Variants in ZC3H12B observed in about 807,000 individuals in gnomAD.
ZC3H12B encodes probable ribonuclease ZC3H12B.
Under a neutral mutation model 43.9 loss-of-function variants are expected in ZC3H12B, and 7 were observed. That is an observed-to-expected ratio of 0.16 (90% CI 0.09 to 0.30). The LOEUF (loss-of-function observed/expected upper bound fraction) is 0.30, where lower values mean the gene tolerates loss of function less well. ZC3H12B is among the 10% of genes least tolerant of loss of function. The probability of loss-of-function intolerance (pLI) is 1.00; values close to 1 mark genes in which losing one functional copy is unlikely to be tolerated. For synonymous variants in ZC3H12B, 222 were observed against 241.7 expected (o/e 0.92, Z 0.76); for missense variants, 475 against 670.2 (o/e 0.71, Z 3.22).
At chrX:65,466,634 A>G (rs2067821043) in intron 3 of ZC3H12B, among the ~76,000 whole-genome samples, 1 of 107,333 alleles carries the variant, frequency 9.3e-6, no homozygotes. Context: ...TAATTTTGAA[A>G]TGAATCTCCA....
the ZC3H12B span, among the ~76,000 whole-genome samples, chrX:65,129,375 G>A: frequency 3.7e-5 from 4 of 109,309 alleles, no homozygotes; most frequent in Non-Finnish European, 7.6e-5. Flanking sequence ...TCACCTGGGT[G>A]CAGGTGGGCT....
the ZC3H12B span, among the ~76,000 whole-genome samples, chrX:65,277,766 A>G: frequency 2.7e-5 from 3 of 111,870 alleles, no homozygotes; most frequent in African/African-American, 9.7e-5. Context: ...AAAACTGGAA[A>G]GATTACAAAT....
the ZC3H12B span, among the ~76,000 whole-genome samples, chrX:65,338,439 G>A: frequency 8.9e-6 from 1 of 112,042 alleles, no homozygotes; most frequent in East Asian, 2.8e-4. Context: ...GACATACAAA[G>A]AAGAGTTGGT....
At chrX:65,135,358 T>C in the ZC3H12B span, among the ~76,000 whole-genome samples, 1 of 110,909 alleles carries the variant, frequency 9.0e-6, no homozygotes, top group South Asian at 3.7e-4. Flanking sequence ...TTGTTGTTTT[T>C]TTTTTCCTGA....
At chrX:65,036,439 T>C in the ZC3H12B span, among the ~76,000 whole-genome samples, 3 of 111,533 alleles carry the variant, frequency 2.7e-5, no homozygotes. Context: ...TTGTAAATGC[T>C]TTTGAGCTAA....
the ZC3H12B span, among the ~76,000 whole-genome samples, chrX:65,211,918 A>G: frequency 2.8e-4 from 21 of 74,021 alleles, no homozygotes; most frequent in Non-Finnish European, 4.6e-4. Flanking sequence ...TATGTATACT[A>G]TATAATATAT....
the ZC3H12B span, among the ~76,000 whole-genome samples, chrX:65,224,327 G>T: frequency 5.2e-4 from 59 of 112,664 alleles, no homozygotes; most frequent in Non-Finnish European, 9.6e-4. Context: ...AAAAAACTAT[G>T]AGTTGGGTAC....
At chrX:65,452,614 G>T (rs1357673862) in intron 3 of ZC3H12B, among the ~76,000 whole-genome samples, 1 of 111,755 alleles carries the variant, frequency 8.9e-6, no homozygotes, top group Non-Finnish European at 1.9e-5. Flanking sequence ...GCCGAGGTGG[G>T]TGGATCAACT....
the ZC3H12B span, among the ~76,000 whole-genome samples, chrX:65,270,280 G>A: frequency 9.0e-6 from 1 of 111,721 alleles, no homozygotes; most frequent in Non-Finnish European, 1.9e-5. Context: ...GACACAATGA[G>A]GAAAGGAGAG....
the ZC3H12B span, among the ~76,000 whole-genome samples, chrX:65,047,937 A>G: frequency 9.0e-6 from 1 of 111,014 alleles, no homozygotes; most frequent in Admixed American, 9.6e-5. Flanking sequence ...GTAAGAAATA[A>G]CATGGTATCT....
the ZC3H12B span, among the ~76,000 whole-genome samples, chrX:65,231,326 G>T: frequency 9.0e-6 from 1 of 110,776 alleles, no homozygotes; most frequent in Non-Finnish European, 1.9e-5. Flanking sequence ...TACTGATGAG[G>T]GTCCATGTCT....
chrX:65,195,245 C>A, the ZC3H12B span, among the ~76,000 whole-genome samples: 9 of 111,019 alleles, frequency 8.1e-5, no homozygotes, highest in Non-Finnish European at 1.7e-4. Context: ...TCTTTTCTTT[C>A]TTCCTACCTG....
chrX:65,204,605 G>T, the ZC3H12B span, among the ~76,000 whole-genome samples: 1 of 111,333 alleles, frequency 9.0e-6, no homozygotes, highest in African/African-American at 3.3e-5. Context: ...TCCCTGGCTT[G>T]TAAACAAAGT....
the ZC3H12B span, among the ~76,000 whole-genome samples, chrX:65,158,604 C>A: frequency 1.8e-5 from 2 of 111,782 alleles, no homozygotes; most frequent in Non-Finnish European, 3.8e-5. Flanking sequence ...CCTTCACCCA[C>A]TTTTTGATGG....
chrX:65,249,594 T>G, the ZC3H12B span, among the ~76,000 whole-genome samples: 3 of 111,586 alleles, frequency 2.7e-5, no homozygotes, highest in Non-Finnish European at 5.6e-5. Context: ...CTGTGAAGAA[T>G]GACGGTGATA....
At chrX:65,381,403 A>C (rs2066437778) in intron 2 of ZC3H12B, among the ~76,000 whole-genome samples, 1 of 111,903 alleles carries the variant, frequency 8.9e-6, no homozygotes, top group African/African-American at 3.3e-5. Context: ...CTTTGAAACC[A>C]ACGAGAACAA....
chrX:65,133,168 T>G, the ZC3H12B span, among the ~76,000 whole-genome samples: 2 of 111,298 alleles, frequency 1.8e-5, no homozygotes, highest in Non-Finnish European at 3.8e-5. Context: ...AGTTCTTGTG[T>G]GCTGGAGATG....
chrX:65,402,247 A>T (rs896369830), intron 3 of ZC3H12B, among the ~76,000 whole-genome samples: 2 of 111,823 alleles, frequency 1.8e-5, no homozygotes, highest in Non-Finnish European at 3.8e-5. Context: ...AAGGAGAAGG[A>T]AGAGTTGAAA....
At chrX:65,035,081 C>A in the ZC3H12B span, among the ~76,000 whole-genome samples, 5 of 112,308 alleles carry the variant, frequency 4.5e-5, no homozygotes, top group Non-Finnish European at 9.4e-5. Context: ...AAGTTGGCGG[C>A]GCCACGGAGC....
Sources: allele counts gnomAD v4.1 joint callset (sites outside exome capture counted in the v4.1 genomes callset), GRCh38; gene constraint gnomAD v4.1.1; transcripts MANE v1.5; gene names NCBI Gene and HGNC (gene_info 2026-07-23, HGNC 2026-07-21).